The following PCDH17 variants were observed in gnomAD, a reference collection of about 807,000 sequenced individuals.
PCDH17 encodes protocadherin 17, also known as protocadherin-17.
Under a neutral mutation model 67.7 loss-of-function variants are expected in PCDH17, and 21 were observed. That is an observed-to-expected ratio of 0.31 (90% CI 0.22 to 0.45). The LOEUF is 0.45. PCDH17 is among the 20% of genes least tolerant of loss of function. The pLI is 1.00. For synonymous variants in PCDH17, 701 were observed against 656.7 expected (o/e 1.07, Z -1.03); for missense variants, 1,471 against 1,564.8 (o/e 0.94, Z 1.01).
At chr13:57,636,050 T>C (rs1222144401) in intron 1 of PCDH17, among the ~76,000 whole-genome samples, 2 of 152,212 alleles carry the variant, frequency 1.3e-5, no homozygotes, top group African/African-American at 4.8e-5. Flanking sequence ...ATATATAAGA[T>C]AGTATGCTTC....
In PCDH17 at chr13:57,633,953, G is replaced by A. The variant is rs770777439; in HGVS notation, c.1407G>A (p.Pro469=). The change falls in exon 1 of 4, where the codon CCG becomes CCA. Residue 469 remains proline (P), a synonymous_variant. Coordinates refer to ENST00000377918, the MANE Select transcript of PCDH17 (RefSeq NM_001040429.3). The surrounding 1 kb of genome is among the most constrained non-coding windows in gnomAD (Gnocchi z 6.2). ...AGATTCTAGACGAGAACGACAACCC[G>A]CCTCGGTTCACCAAAGGGCTCTACG... ...AIKILDENDN[P]PRFTKGLYVL... is the part of the protein sequence containing the mutation. 1.2e-6 allele frequency: 2 copies of A among 1,613,472 alleles called. No homozygotes were observed. The highest frequency in any genetic ancestry group is 2.2e-5 in the East Asian group (1 of 44,838).
rs1372537138 is a variant in PCDH17, at chr13:57,727,678, A to C, written c.*2384A>C. 6.6e-6 allele frequency: 1 copy of C among 152,116 alleles called. No homozygotes were observed. The highest frequency in any genetic ancestry group is 6.6e-5 in the Admixed American group (1 of 15,258). The allele number at this position is 152,116 out of a possible 1,614,324, so 9.4% of individuals were successfully genotyped here. A position where few individuals can be genotyped will look rare whatever the true frequency, so the allele number is the denominator to read the frequency against. On this transcript the variant is annotated 3_prime_UTR_variant, in exon 4 of 4. Coordinates refer to ENST00000377918, the MANE Select transcript of PCDH17 (RefSeq NM_001040429.3). ...ACATGTGAAACCTAATTGACTCTCT[A>C]TATTTTGGACAATTTATGTATCTGA...
chr13:57,691,455 C>A (rs1955557812), intron 3 of PCDH17, among the ~76,000 whole-genome samples: 1 of 151,014 alleles, frequency 6.6e-6, no homozygotes, highest in African/African-American at 2.4e-5. Context: ...AAAAACTAAT[C>A]ATGGAGGAGA....
intron 1 of PCDH17, among the ~76,000 whole-genome samples, chr13:57,652,016 C>T (rs1391197686): frequency 6.6e-6 from 1 of 152,018 alleles, no homozygotes; most frequent in African/African-American, 2.4e-5. Flanking sequence ...CGGTGGCTCA[C>T]GCCTGTAATC....
chr13:57,664,557 C>T (rs551520440), intron 1 of PCDH17, among the ~76,000 whole-genome samples: 9 of 152,252 alleles, frequency 5.9e-5, no homozygotes, highest in Middle Eastern at 6.8e-3. Context: ...CTATGAGGCT[C>T]CACTTAATTA....
At chr13:57,656,376 A>G (rs1877534182) in intron 1 of PCDH17, among the ~76,000 whole-genome samples, 1 of 152,172 alleles carries the variant, frequency 6.6e-6, no homozygotes, top group African/African-American at 2.4e-5. Flanking sequence ...AAATTTAATT[A>G]TATCTAATTT....
chr13:57,672,909 T>C (rs546957592), intron 3 of PCDH17, among the ~76,000 whole-genome samples: 17 of 152,110 alleles, frequency 1.1e-4, no homozygotes, highest in African/African-American at 4.1e-4. Context: ...GAGAGTTTAC[T>C]TCTGTAACCG....
rs1955922697 is a variant in PCDH17 at position 57,727,331 on chromosome 13, A to C, written c.*2037A>C. 1 of 152,648 alleles carries C rather than the reference A, an allele frequency of 6.6e-6. No individual in the cohort carries two copies. The highest frequency in any genetic ancestry group is 1.9e-4 in the East Asian group (1 of 5,206). 9.5% of individuals were successfully genotyped at this position (152,648 alleles called of 1,614,324 possible). Reference sequence around the variant, plus strand: ...TTTTGTGCCTTCTCTTCTGGCCACCAAGCCAGTGTAGAAACAGCAAAAATG... The same window carrying C: ...TTTTGTGCCTTCTCTTCTGGCCACCCAGCCAGTGTAGAAACAGCAAAAATG... On this transcript the variant is annotated 3_prime_UTR_variant, in exon 4 of 4. Coordinates refer to ENST00000377918, the MANE Select transcript of PCDH17 (RefSeq NM_001040429.3).
chr13:57,710,594 C>T (rs1046544534), intron 3 of PCDH17, among the ~76,000 whole-genome samples: 5 of 151,830 alleles, frequency 3.3e-5, no homozygotes, highest in African/African-American at 1.2e-4. Flanking sequence ...TTTAGCTCAA[C>T]ATATTATACC....
chr13:57,710,595 A>G (rs150124071), intron 3 of PCDH17, among the ~76,000 whole-genome samples: 83 of 152,026 alleles, frequency 5.5e-4, no homozygotes, highest in African/African-American at 1.9e-3. Flanking sequence ...TTAGCTCAAC[A>G]TATTATACCA....
chr13:57,664,405 T>C (rs564615938), intron 1 of PCDH17, among the ~76,000 whole-genome samples: 1 of 152,222 alleles, frequency 6.6e-6, no homozygotes, highest in Non-Finnish European at 1.5e-5. Context: ...TTTCATTTCT[T>C]AGCTTATGTT....
chr13:57,696,486 G>A (rs975101935), intron 3 of PCDH17, among the ~76,000 whole-genome samples: 1 of 151,130 alleles, frequency 6.6e-6, no homozygotes, highest in Non-Finnish European at 1.5e-5. Flanking sequence ...ACTTAAAATA[G>A]ATCATTTTAA....
At chr13:57,643,159 C>T (rs1362761435) in intron 1 of PCDH17, among the ~76,000 whole-genome samples, 1 of 151,432 alleles carries the variant, frequency 6.6e-6, no homozygotes, top group Non-Finnish European at 1.5e-5. Context: ...AGCAATTCAC[C>T]TTTGACAATC....
At chr13:57,682,073 T>C (rs1955456227) in intron 3 of PCDH17, among the ~76,000 whole-genome samples, 1 of 151,742 alleles carries the variant, frequency 6.6e-6, no homozygotes, top group African/African-American at 2.4e-5. Context: ...CCCCACATAC[T>C]TGGTTAAACT....
chr13:57,651,514 T>C (rs1174016871), intron 1 of PCDH17, among the ~76,000 whole-genome samples: 1 of 151,768 alleles, frequency 6.6e-6, no homozygotes, highest in African/African-American at 2.4e-5. Context: ...ACTTTTATAT[T>C]TTTTTTAGAG....
chr13:57,699,483 A>T (rs184651674), intron 3 of PCDH17, among the ~76,000 whole-genome samples: 1 of 152,132 alleles, frequency 6.6e-6, no homozygotes, highest in East Asian at 1.9e-4. Flanking sequence ...TTATTTGCAC[A>T]GTCTCTTTGC....
chr13:57,713,264 C>T (rs1486510733), intron 3 of PCDH17, among the ~76,000 whole-genome samples: 11 of 151,574 alleles, frequency 7.3e-5, no homozygotes, highest in Admixed American at 6.6e-4. Context: ...TTACAAGAAA[C>T]ATTTCTGTAT....
chr13:57,642,280 G>A (rs952571391), intron 1 of PCDH17, among the ~76,000 whole-genome samples: 2 of 151,618 alleles, frequency 1.3e-5, no homozygotes, highest in African/African-American at 4.8e-5. Context: ...TACGCTCTCA[G>A]CTAAAAGCAG....
rs914950044 is a variant in PCDH17 at position 57,728,439 on chromosome 13, T to C, written c.*3145T>C. On this transcript the variant is annotated 3_prime_UTR_variant, in exon 4 of 4. Coordinates refer to ENST00000377918, the MANE Select transcript of PCDH17 (RefSeq NM_001040429.3). Reference sequence around the variant, plus strand: ...CTTTTAGGTCTTTAAGTAACTGAAGTTAAGCACAGAAAAAAAAATCACTTC... The same window carrying C: ...CTTTTAGGTCTTTAAGTAACTGAAGCTAAGCACAGAAAAAAAAATCACTTC... 13 of 146,236 alleles carry C rather than the reference T, an allele frequency of 8.9e-5. No homozygotes were observed. Among genetic ancestry groups the C allele is most frequent in the Non-Finnish European group, 1.5e-4 (10 of 67,242 alleles). The allele number at this position is 146,236 out of a possible 1,614,324, so 9.1% of individuals were successfully genotyped here. A position where few individuals can be genotyped will look rare whatever the true frequency, so the allele number is the denominator to read the frequency against.
Sources: gnomAD v4.1 joint callset for allele counts (sites outside exome capture counted in the v4.1 genomes callset) on GRCh38, gnomAD v4.1.1 for gene constraint, Gnocchi (gnomAD v3.1) non-coding constraint, MANE v1.5 for transcripts, NCBI Gene and HGNC (gene_info 2026-07-23, HGNC 2026-07-21) for gene names.